Variants in ZDHHC14 observed in about 807,000 individuals in gnomAD.
The protein encoded by ZDHHC14 is zDHHC palmitoyltransferase 14, also known as palmitoyltransferase ZDHHC14.
A neutral mutation model predicts 47.7 loss-of-function variants in ZDHHC14; 16 were observed. The ratio of observed to expected loss-of-function variants is 0.34; its 90% CI spans 0.23 to 0.51. The LOEUF is 0.51. ZDHHC14 is among the 20% of genes least tolerant of loss of function. ZDHHC14 has a pLI of 0.97. For missense variants in ZDHHC14, 515 were observed against 662.5 expected (o/e 0.78, Z 2.44); for synonymous variants, 293 against 278.9 (o/e 1.05, Z -0.50).
chr6:157,639,598 G>A (rs549897308), intron 5 of ZDHHC14, among the ~76,000 whole-genome samples: 7 of 152,276 alleles, frequency 4.6e-5, no homozygotes, highest in East Asian at 1.9e-4. Context: ...CACTGCACCC[G>A]GCAAGAACAT....
At chr6:157,547,839 T>G (rs555311592) in intron 2 of ZDHHC14, among the ~76,000 whole-genome samples, 2 of 150,780 alleles carry the variant, frequency 1.3e-5, no homozygotes, top group East Asian at 3.9e-4. Context: ...AAAATTTTTT[T>G]TGTGATTTGA....
chr6:157,477,916 G>A (rs937868188), intron 1 of ZDHHC14, among the ~76,000 whole-genome samples: 58 of 152,164 alleles, frequency 3.8e-4, no homozygotes, highest in African/African-American at 1.3e-3. Flanking sequence ...TTGTATGAAC[G>A]ACGTTAACTT....
chr6:157,471,067 A>T (rs1779342701), intron 1 of ZDHHC14, among the ~76,000 whole-genome samples: 1 of 152,234 alleles, frequency 6.6e-6, no homozygotes, highest in Non-Finnish European at 1.5e-5. Context: ...TATGAGAAAC[A>T]TGGCTTTTCA....
chr6:157,604,956 T>C (rs1473440368), intron 3 of ZDHHC14, among the ~76,000 whole-genome samples: 1 of 152,202 alleles, frequency 6.6e-6, no homozygotes, highest in Non-Finnish European at 1.5e-5. Context: ...AGATGAAACA[T>C]ACCTTACCAG....
At chr6:157,506,140 T>G (rs1211598515) in intron 1 of ZDHHC14, among the ~76,000 whole-genome samples, 1 of 152,214 alleles carries the variant, frequency 6.6e-6, no homozygotes. Context: ...AAATAGTAAG[T>G]TCTATTTCTG....
intron 2 of ZDHHC14, among the ~76,000 whole-genome samples, chr6:157,560,308 G>A (rs1019600721): frequency 1.3e-5 from 2 of 152,214 alleles, no homozygotes; most frequent in Non-Finnish European, 2.9e-5. Flanking sequence ...AGCCTGTGGG[G>A]CAGCAGGTGC....
intron 1 of ZDHHC14, among the ~76,000 whole-genome samples, chr6:157,406,945 G>C (rs1174426914): frequency 6.6e-6 from 1 of 152,148 alleles, no homozygotes; most frequent in Non-Finnish European, 1.5e-5. Context: ...TGCTTGTCAG[G>C]CTCCAGCTAC....
intron 2 of ZDHHC14, among the ~76,000 whole-genome samples, chr6:157,573,785 C>T (rs968673279): frequency 2.0e-5 from 3 of 152,188 alleles, no homozygotes; most frequent in Non-Finnish European, 4.4e-5. Flanking sequence ...CCAGAGGAAG[C>T]GCAGCTCAGC....
chr6:157,383,553 T>G (rs1332586413), intron 1 of ZDHHC14, among the ~76,000 whole-genome samples: 3 of 152,252 alleles, frequency 2.0e-5, no homozygotes, highest in Non-Finnish European at 4.4e-5. Context: ...CAAAGCCCTC[T>G]GACTCTCAGG....
chr6:157,569,417 A>G (rs1783020539), intron 2 of ZDHHC14, among the ~76,000 whole-genome samples: 1 of 152,132 alleles, frequency 6.6e-6, no homozygotes, highest in African/African-American at 2.4e-5. Flanking sequence ...ACTGATTTGA[A>G]AGGCTGTATT....
chr6:157,613,641 T>C (rs1784838467), intron 3 of ZDHHC14, among the ~76,000 whole-genome samples: 1 of 152,194 alleles, frequency 6.6e-6, no homozygotes, highest in Non-Finnish European at 1.5e-5. Context: ...TTTTAAATTC[T>C]GGTTGAAATA....
intron 1 of ZDHHC14, among the ~76,000 whole-genome samples, chr6:157,432,173 A>T (rs1209520518): frequency 6.6e-6 from 1 of 152,142 alleles, no homozygotes; most frequent in East Asian, 1.9e-4. Flanking sequence ...GTTTGTGGTG[A>T]AATTTGTGTG....
Position 157,382,047 on chromosome 6 carries a change from T to G in ZDHHC14, c.26T>G (p.Met9Arg). Residue 9 changes from methionine (M) to arginine (R), a missense_variant, in exon 1 of 9, where the codon ATG becomes AGG. Met to Arg is a moderately conservative substitution (Grantham distance 91, BLOSUM62 -1). This residue lies in a region of ZDHHC14 where 59 missense variants were observed against 57.7 expected (regional missense o/e 1.02). Transcript: ENST00000359775. ...ATGCCTCCCGGCGGCGGCGGGCCCA[T>G]GAAAGACTGCGAGTACAGCCAGATC... MPPGGGGP[M>R]KDCEYSQIST... is the part of the protein sequence containing the mutation. 1.3e-6 allele frequency: 2 copies of G among 1,570,372 alleles called. No individual in the cohort carries two copies. Among genetic ancestry groups the G allele is most frequent in the Non-Finnish European group, 1.7e-6 (2 of 1,161,046 alleles).
At chr6:157,572,238 C>T (rs1295329151) in intron 2 of ZDHHC14, among the ~76,000 whole-genome samples, 6 of 152,090 alleles carry the variant, frequency 3.9e-5, no homozygotes. Flanking sequence ...CCACCACCCA[C>T]TAGGTCCCAC....
intron 1 of ZDHHC14, among the ~76,000 whole-genome samples, chr6:157,503,896 A>T (rs1055993255): frequency 6.6e-6 from 1 of 152,176 alleles, no homozygotes; most frequent in African/African-American, 2.4e-5. Flanking sequence ...TGGTGCCACC[A>T]CTTTGGATAA....
intron 1 of ZDHHC14, among the ~76,000 whole-genome samples, chr6:157,503,524 T>C (rs1161824286): frequency 1.3e-5 from 2 of 152,198 alleles, no homozygotes; most frequent in Non-Finnish European, 2.9e-5. Flanking sequence ...AGTTGAGTGA[T>C]TGCAGCATCA....
At chr6:157,527,204 T>A (rs950322988) in intron 1 of ZDHHC14, among the ~76,000 whole-genome samples, 2 of 152,086 alleles carry the variant, frequency 1.3e-5, no homozygotes, top group Non-Finnish European at 2.9e-5. Context: ...GAAAGCAGAT[T>A]ACACCAGCCG....
intron 2 of ZDHHC14, among the ~76,000 whole-genome samples, chr6:157,579,190 G>GTTGTTTTTTTT: frequency 1.6e-5 from 1 of 63,948 alleles, no homozygotes; most frequent in Non-Finnish European, 3.0e-5. Context: ...TTGATTCTGT[G>GTTGTTTTTTTT]TTTTTTTTTT....
chr6:157,439,977 G>A (rs1396984178), intron 1 of ZDHHC14, among the ~76,000 whole-genome samples: 1 of 152,056 alleles, frequency 6.6e-6, no homozygotes, highest in Non-Finnish European at 1.5e-5. Flanking sequence ...CATAGATACA[G>A]GGAGGGGAAC....
Sources: allele counts gnomAD v4.1 joint callset (sites outside exome capture counted in the v4.1 genomes callset), GRCh38; gene constraint gnomAD v4.1.1; regional missense constraint gnomAD v4.1.1; transcripts MANE v1.5; gene names NCBI Gene and HGNC (gene_info 2026-07-23, HGNC 2026-07-21).